Variants in WFDC1 observed in about 807,000 individuals in gnomAD.
The protein encoded by WFDC1 is WAP four-disulfide core domain protein 1.
In WFDC1, 39 loss-of-function variants were observed where a neutral mutation model predicts 32.9. The observed-to-expected ratio is 1.19, with a 90% CI of 0.92 to 1.55. The LOEUF (loss-of-function observed/expected upper bound fraction) is 1.55. WFDC1 is among the 40% of genes most tolerant of loss of function. The pLI, the probability that WFDC1 is intolerant of heterozygous loss-of-function variation, is 0.00. For synonymous variants in WFDC1, 184 were observed against 137.4 expected (o/e 1.34, Z -2.37); for missense variants, 386 against 309.5 (o/e 1.25, Z -1.85).
At chr16:84,309,084 G>A (rs1333902619) in intron 1 of WFDC1, among the ~76,000 whole-genome samples, 1 of 152,186 alleles carries the variant, frequency 6.6e-6, no homozygotes, top group African/African-American at 2.4e-5. Context: ...CGTTAGCTGT[G>A]GAGCCCGCTC....
intron 3 of WFDC1, 33 bp from the exon 4 acceptor site, chr16:84,319,398 C>G: frequency 6.2e-7 from 1 of 1,601,498 alleles, no homozygotes; most frequent in Non-Finnish European, 8.5e-7. Context: ...TGGGAGTCGG[C>G]CTTCTAGACC....
chr16:84,310,940 A>G (rs534011580), intron 1 of WFDC1, among the ~76,000 whole-genome samples: 2 of 152,318 alleles, frequency 1.3e-5, no homozygotes. Context: ...GGAGGTAAGT[A>G]GGTGAAGCAT....
At chr16:84,301,482 G>A (rs548654777) in intron 1 of WFDC1, among the ~76,000 whole-genome samples, 3 of 152,204 alleles carry the variant, frequency 2.0e-5, no homozygotes, top group African/African-American at 7.2e-5. Flanking sequence ...CTTGAACCAG[G>A]TGAGCTCACA....
At chr16:84,314,338 T>A (rs1907826394) in intron 2 of WFDC1, among the ~76,000 whole-genome samples, 1 of 151,998 alleles carries the variant, frequency 6.6e-6, no homozygotes, top group Admixed American at 6.6e-5. Flanking sequence ...TGCCCTTGGG[T>A]GGGGAAAATG....
intron 3 of WFDC1, chr16:84,318,704 G>A (rs989523524): frequency 8.5e-6 from 2 of 235,444 alleles, no homozygotes; most frequent in Non-Finnish European, 1.8e-5. Context: ...GGGTGGGGGA[G>A]GTACCAGGAG....
chr16:84,303,184 A>G (rs890789616), intron 1 of WFDC1, among the ~76,000 whole-genome samples: 1 of 151,902 alleles, frequency 6.6e-6, no homozygotes, highest in Non-Finnish European at 1.5e-5. Flanking sequence ...ATATTTTTAG[A>G]TGTTTGACGT....
intron 2 of WFDC1, 70 bp from the exon 3 acceptor site, chr16:84,318,202 C>T: frequency 6.6e-7 from 1 of 1,506,486 alleles, no homozygotes. Flanking sequence ...TTGGGGTGCC[C>T]CCAGCCCCCA....
intron 1 of WFDC1, among the ~76,000 whole-genome samples, chr16:84,310,659 AATAG>A (rs1315406307): frequency 6.6e-6 from 1 of 152,084 alleles, no homozygotes; most frequent in East Asian, 1.9e-4. Flanking sequence ...AGCCTATGCA[AATAG>A]ATATATATAT....
At chr16:84,312,058 G>C (rs946279483) in intron 1 of WFDC1, among the ~76,000 whole-genome samples, 1 of 152,004 alleles carries the variant, frequency 6.6e-6, no homozygotes, top group Admixed American at 6.6e-5. Context: ...CCAGCTACTC[G>C]GGAGGCTGAG....
At chr16:84,318,617 G>T in intron 3 of WFDC1, 3 of 399,366 alleles carry the variant, frequency 7.5e-6, no homozygotes, top group Non-Finnish European at 1.4e-5. Context: ...AATTGAAGGG[G>T]AGGGGGCTTA....
intron 4 of WFDC1, 132 bp from the exon 5 acceptor site, chr16:84,324,287 C>T: frequency 1.3e-6 from 1 of 767,168 alleles, no homozygotes; most frequent in Non-Finnish European, 2.2e-6. Context: ...CATGTAGCCT[C>T]TGAACAATTC....
chr16:84,320,511 T>C (rs17812265), intron 4 of WFDC1, among the ~76,000 whole-genome samples: 65,689 of 152,116 alleles, frequency 0.43, 14,884 homozygotes, highest in Middle Eastern at 0.5. Context: ...GTTGCTCTCA[T>C]TGGCATAATT....
At chr16:84,325,263 A>G (rs1201671375) in intron 5 of WFDC1, among the ~76,000 whole-genome samples, 1 of 148,480 alleles carries the variant, frequency 6.7e-6, no homozygotes, top group Admixed American at 6.8e-5. Context: ...GGTGCACTGG[A>G]GTAATCTTGG....
intron 5 of WFDC1, among the ~76,000 whole-genome samples, chr16:84,325,051 C>T (rs771312324): frequency 2.0e-5 from 3 of 151,926 alleles, no homozygotes; most frequent in African/African-American, 4.8e-5. Flanking sequence ...ATCTTTTCAC[C>T]CACCCATCTA....
intron 4 of WFDC1, among the ~76,000 whole-genome samples, chr16:84,323,808 C>T (rs927128180): frequency 6.6e-6 from 1 of 152,198 alleles, no homozygotes; most frequent in Admixed American, 6.5e-5. Context: ...TGAAATTTGG[C>T]TTCCAGTTCA....
At chr16:84,316,544 G>C in intron 2 of WFDC1, 1 of 152,298 alleles carries the variant, frequency 6.6e-6, no homozygotes, top group East Asian at 1.9e-4. Context: ...AGGATCACGC[G>C]AGGCCAGGAG....
intron 1 of WFDC1, among the ~76,000 whole-genome samples, chr16:84,302,614 G>C (rs8058580): frequency 0.069 from 10,502 of 152,240 alleles, 1,144 homozygotes; most frequent in African/African-American, 0.23. Context: ...GTTTACATAA[G>C]AGCCCAGCTC....
At chr16:84,314,229 C>G (rs755270759) in intron 2 of WFDC1, among the ~76,000 whole-genome samples, 2 of 152,038 alleles carry the variant, frequency 1.3e-5, no homozygotes, top group Non-Finnish European at 2.9e-5. Context: ...AGTTTCAGAT[C>G]CCTTTTGAAG....
At chr16:84,311,384 ATT>A (rs747950638) in intron 1 of WFDC1, among the ~76,000 whole-genome samples, 1 of 118,304 alleles carries the variant, frequency 8.5e-6, no homozygotes, top group Non-Finnish European at 1.8e-5. Flanking sequence ...CGCCCGGCTA[ATT>A]TTTTTTCTTT....
Sources: gnomAD v4.1 joint callset for allele counts (sites outside exome capture counted in the v4.1 genomes callset) on GRCh38, gnomAD v4.1.1 for gene constraint, MANE v1.5 for transcripts, NCBI Gene and HGNC (gene_info 2026-07-23, HGNC 2026-07-21) for gene names.